ZNF597: variants seen among roughly 807,000 people sequenced by gnomAD.
ZNF597 encodes zinc finger protein 597.
A neutral mutation model predicts 7.3 loss-of-function variants in ZNF597; 5 were observed. The observed-to-expected ratio is 0.68, with a 90% confidence interval of 0.36 to 1.44. ZNF597 has a LOEUF of 1.44. Ranked by LOEUF, ZNF597 falls within the 40% of genes most tolerant of loss-of-function variation. The pLI is 0.04. For missense variants in ZNF597, 585 were observed against 517.9 expected (o/e 1.13, Z -1.26); for synonymous variants, 209 against 185.4 (o/e 1.13, Z -1.04).
Position 3,432,815 on chromosome 16 carries a change from T to G in ZNF597, c.*3609A>C, listed in dbSNP as rs1431688604. On this transcript the variant is annotated 3_prime_UTR_variant, in exon 4 of 4. Coordinates refer to ENST00000301744, the MANE Select transcript of ZNF597 (RefSeq NM_152457.3). Reference sequence around the variant, plus strand: ...ACCAGATGAATACATACACTTCTAATGTAATGAACATCATTTTGTTAAACA... The same window carrying G: ...ACCAGATGAATACATACACTTCTAAGGTAATGAACATCATTTTGTTAAACA... 6.6e-6 allele frequency: 1 copy of G among 152,246 alleles called. No individual in the cohort carries two copies. The highest frequency in any genetic ancestry group is 1.5e-5 in the Non-Finnish European group (1 of 68,044). 9.4% of individuals were successfully genotyped at this position (152,246 alleles called of 1,614,324 possible). A position where few individuals can be genotyped will look rare whatever the true frequency, so the allele number is the denominator to read the frequency against.
In ZNF597 at chr16:3,434,465, T is replaced by TAAGAGTGG. The variant is rs2150931796; in HGVS notation, c.*1951_*1958dup. ...ACCTGGAAGCTGGTGTCCTGTCTCCTAAGAGTGGAGACATCAGAAACAAAC... is the reference window on the plus strand; with the variant it reads ...ACCTGGAAGCTGGTGTCCTGTCTCCTAAGAGTGGAAGAGTGGAGACATCAGAAACAAAC... On this transcript the variant is annotated 3_prime_UTR_variant, in exon 4 of 4. Transcript: ENST00000301744. 1 of 152,354 alleles carries TAAGAGTGG rather than the reference T, an allele frequency of 6.6e-6. No homozygotes were observed. The highest frequency in any genetic ancestry group is 2.4e-5 in the African/African-American group (1 of 41,580). 9.4% of individuals were successfully genotyped at this position (152,354 alleles called of 1,614,324 possible). A position where few individuals can be genotyped will look rare whatever the true frequency, so the allele number is the denominator to read the frequency against.
intron 3 of ZNF597, among the ~76,000 whole-genome samples, chr16:3,439,553 GA>G (rs1299998606): frequency 6.6e-6 from 1 of 151,392 alleles, no homozygotes; most frequent in Non-Finnish European, 1.5e-5. Flanking sequence ...AACGTCCACA[GA>G]AAAAAACTGC....
At position 3,436,798 on chromosome 16, in the gene ZNF597, A is replaced by C; in HGVS notation, c.901T>G (p.Cys301Gly). The C allele has an allele frequency of 6.2e-7, 1 of 1,613,640 alleles. No homozygotes were observed. Among genetic ancestry groups the C allele is most frequent in the Non-Finnish European group, 8.5e-7 (1 of 1,180,030 alleles). The change falls in exon 4 of 4, where the codon TGC becomes GGC. Residue 301 changes from cysteine (C) to glycine (G), a missense_variant. Physicochemically the swap from Cys to Gly is radical, Grantham distance 159. Coordinates refer to ENST00000301744, the MANE Select transcript of ZNF597 (RefSeq NM_152457.3). The part of the protein sequence containing the change: ...VSGPQYQHTK[C>G]MKSFRQSLYP... ...AAGGACTGCCTGAAGCTCTTCATGCACTTAGTGTGCTGGTACTGGGGGCCT... is the reference window on the plus strand; with the variant it reads ...AAGGACTGCCTGAAGCTCTTCATGCCCTTAGTGTGCTGGTACTGGGGGCCT...
chr16:3,440,741 T>C, intron 3 of ZNF597, 66 bp downstream of exon 3: 2 of 1,593,426 alleles, frequency 1.3e-6, no homozygotes, highest in Non-Finnish European at 1.7e-6. Flanking sequence ...AACATCTGGA[T>C]AAAGCATGAA....
rs557483810 is a variant in ZNF597 at position 3,438,838 on chromosome 16, A to AATATC, written c.161-1301_161-1300insGATAT. On this transcript the variant is annotated intron_variant, in intron 3 of 3. Coordinates refer to ENST00000301744, the MANE Select transcript of ZNF597 (RefSeq NM_152457.3). ...TCCAAGTATTCTTCAGTTATAAAGC[A>AATATC]AATATATCAATACAAAAGGAACTTT... is the stretch of plus-strand genomic sequence containing the variant. Among the ~76,000 whole-genome samples the AATATC allele has an allele frequency of 9.8e-3, 1,494 of 152,322 alleles. 13 individuals are homozygous for AATATC. Among genetic ancestry groups the AATATC allele is most frequent in the Middle Eastern group, 0.044 (13 of 294 alleles).
rs1412815751 is a variant in ZNF597 at position 3,433,173 on chromosome 16, C to G, written c.*3251G>C. On this transcript the variant is annotated 3_prime_UTR_variant, in exon 4 of 4. Coordinates refer to ENST00000301744, the MANE Select transcript of ZNF597 (RefSeq NM_152457.3). Reference sequence around the variant, plus strand: ...TGTTAAATGAGGAGGTGTCAATAGACTACCACCTGTAGCAACAAAGCTCTA... The same window carrying G: ...TGTTAAATGAGGAGGTGTCAATAGAGTACCACCTGTAGCAACAAAGCTCTA... 1 of 152,250 alleles carries G rather than the reference C, an allele frequency of 6.6e-6. No individual in the cohort carries two copies. Among genetic ancestry groups the G allele is most frequent in the Non-Finnish European group, 1.5e-5 (1 of 68,044 alleles). The allele number at this position is 152,250 out of a possible 1,614,324, so 9.4% of individuals were successfully genotyped here. A position where few individuals can be genotyped will look rare whatever the true frequency, so the allele number is the denominator to read the frequency against.
At position 3,435,089 on chromosome 16, in the gene ZNF597, A is replaced by T. The variant is rs2034287184; in HGVS notation, c.*1335T>A. On this transcript the variant is annotated 3_prime_UTR_variant, in exon 4 of 4. Transcript: ENST00000301744. ...TTTGGTTAAAATCTAACAATTTTCT[A>T]TATGCATTTTCTTTGGAGATGGAGA... 6.6e-6 allele frequency: 1 copy of T among 152,180 alleles called. No individual in the cohort carries two copies. The highest frequency in any genetic ancestry group is 1.5e-5 in the Non-Finnish European group (1 of 68,032). The allele number at this position is 152,180 out of a possible 1,614,324, so 9.4% of individuals were successfully genotyped here. A position where few individuals can be genotyped will look rare whatever the true frequency, so the allele number is the denominator to read the frequency against.
In ZNF597 at chr16:3,436,801, T is replaced by TACTGGGGGCCTGATAC; in HGVS notation, c.897_898insGTATCAGGCCCCCAGT (p.Lys300ValfsTer6). 6.2e-7 allele frequency: 1 copy of TACTGGGGGCCTGATAC among 1,613,684 alleles called. No homozygotes were observed. Among genetic ancestry groups the TACTGGGGGCCTGATAC allele is most frequent in the Non-Finnish European group, 8.5e-7 (1 of 1,180,032 alleles). On this transcript the variant is annotated frameshift_variant, in exon 4 of 4. Transcript: ENST00000301744. LOFTEE classifies it low-confidence loss of function (END_TRUNC). ...GACTGCCTGAAGCTCTTCATGCACTTAGTGTGCTGGTACTGGGGGCCTGAT... is the reference window on the plus strand; with the variant it reads ...GACTGCCTGAAGCTCTTCATGCACTTACTGGGGGCCTGATACAGTGTGCTGGTACTGGGGGCCTGAT...
intron 3 of ZNF597, among the ~76,000 whole-genome samples, chr16:3,440,331 T>G (rs2034352282): frequency 6.6e-6 from 1 of 152,226 alleles, no homozygotes; most frequent in Admixed American, 6.5e-5. Context: ...TAGACTGAAT[T>G]TTTGTCTTTA....
At chr16:3,440,518 C>T (rs1290714125) in intron 3 of ZNF597, among the ~76,000 whole-genome samples, 1 of 152,108 alleles carries the variant, frequency 6.6e-6, no homozygotes, top group Non-Finnish European at 1.5e-5. Context: ...GCTGTAGTCC[C>T]AGCTACTCGG....
In ZNF597 at chr16:3,436,883, G is replaced by T. The variant is rs115354083; in HGVS notation, c.816C>A (p.Asn272Lys). 457 of 1,614,176 alleles carry T rather than the reference G, an allele frequency of 2.8e-4. 1 individual carries two copies. The highest frequency in any genetic ancestry group is 2.5e-3 in the African/African-American group (189 of 75,046). Residue 272 changes from asparagine to lysine, a missense_variant, in exon 4 of 4, where the codon AAC becomes AAA. Coordinates refer to ENST00000301744, the MANE Select transcript of ZNF597 (RefSeq NM_152457.3). ...HSAENTYEST[N>K]CDKHFNEKPN... ...GTTTCTCATTAAAATGTTTATCACA[G>T]TTAGTAGATTCGTAGGTGTTTTCAG...
At chr16:3,442,674 C>CA (rs60660497) in intron 2 of ZNF597, among the ~76,000 whole-genome samples, 156 of 135,340 alleles carry the variant, frequency 1.2e-3, no homozygotes, top group African/African-American at 3.1e-3. Context: ...GACTCTGTAT[C>CA]AAAAAAAAAA....
At chr16:3,441,815 TTAAAA>T (rs1343327306) in intron 2 of ZNF597, among the ~76,000 whole-genome samples, 1 of 143,966 alleles carries the variant, frequency 6.9e-6, no homozygotes, top group Non-Finnish European at 1.5e-5. Context: ...AAAAAATAAA[TTAAAA>T]TAAAATGAAA....
In ZNF597 at chr16:3,437,052, T is replaced by C; in HGVS notation, c.647A>G (p.Lys216Arg). Residue 216 changes from lysine to arginine, a missense_variant, in exon 4 of 4, where the codon AAG (lysine) becomes AGG (arginine). Lys to Arg is a conservative substitution (Grantham distance 26, BLOSUM62 2). Coordinates refer to ENST00000301744, the MANE Select transcript of ZNF597 (RefSeq NM_152457.3). ...GTGCTGGCGAAAGCTGGCACTGCAC[T>C]TGGCACACTTATAAGGTTTCTCACC... The part of the protein sequence containing the change: ...HTGEKPYKCA[K>R]CSASFRQHSH... 1.9e-6 allele frequency: 3 copies of C among 1,614,206 alleles called. No individual in the cohort carries two copies. Among genetic ancestry groups the C allele is most frequent in the African/African-American group, 1.3e-5 (1 of 75,054 alleles).
rs1356423190 is a variant in ZNF597, at chr16:3,434,442, C to G, written c.*1982G>C. On this transcript the variant is annotated 3_prime_UTR_variant, in exon 4 of 4. Transcript: ENST00000301744. ...ACATTTCAAAGCACCTCAGAGAAAC[C>G]TGGAAGCTGGTGTCCTGTCTCCTAA... 1 of 152,212 alleles carries G rather than the reference C, an allele frequency of 6.6e-6. No homozygotes were observed. Among genetic ancestry groups the G allele is most frequent in the African/African-American group, 2.4e-5 (1 of 41,452 alleles). The allele number at this position is 152,212 out of a possible 1,614,324, so 9.4% of individuals were successfully genotyped here. A position where few individuals can be genotyped will look rare whatever the true frequency, so the allele number is the denominator to read the frequency against.
chr16:3,442,465 G>C (rs1454212524), intron 2 of ZNF597, among the ~76,000 whole-genome samples: 1 of 152,112 alleles, frequency 6.6e-6, no homozygotes, highest in Admixed American at 6.6e-5. Flanking sequence ...CACAAGGTCA[G>C]GAGATTGAGA....
Position 3,434,888 on chromosome 16 carries a change from T to A in ZNF597, c.*1536A>T, listed in dbSNP as rs1046850552. On this transcript the variant is annotated 3_prime_UTR_variant, in exon 4 of 4. Coordinates refer to ENST00000301744, the MANE Select transcript of ZNF597 (RefSeq NM_152457.3). ...ATTCTTCCATCCTAATCAAAACCCA[T>A]GTAAATATTGTTTTGCTGATAGGCA... 12 of 152,230 alleles carry A rather than the reference T, an allele frequency of 7.9e-5. No homozygotes were observed. The highest frequency in any genetic ancestry group is 2.9e-4 in the African/African-American group (12 of 41,458). 9.4% of individuals were successfully genotyped at this position (152,230 alleles called of 1,614,324 possible).
chr16:3,439,215 C>CA (rs142079985), intron 3 of ZNF597, among the ~76,000 whole-genome samples: 130 of 143,786 alleles, frequency 9.0e-4, no homozygotes, highest in Non-Finnish European at 1.3e-3. Flanking sequence ...CCCATCCCTA[C>CA]AAAAAAAAAA....
Position 3,436,735 on chromosome 16 carries a change from A to G in ZNF597, c.964T>C (p.Ser322Pro). ...ALSEKSHDEDSERCSDDGDNF... is the reference protein window; with the variant it reads ...ALSEKSHDEDPERCSDDGDNF... The stretch of plus-strand genomic sequence containing the variant: ...TCCCCATCATCGCTGCAGCGTTCAG[A>G]GTCCTCGTCGTGGCTCTTCTCGGAA... Residue 322 changes from serine to proline, a missense_variant, in exon 4 of 4, where the codon TCT becomes CCT. Physicochemically the swap from Ser to Pro is moderately conservative, Grantham distance 74 (BLOSUM62 -1). Coordinates refer to ENST00000301744, the MANE Select transcript of ZNF597 (RefSeq NM_152457.3). The G allele has an allele frequency of 1.2e-6, 2 of 1,614,090 alleles. No homozygotes were observed. Among genetic ancestry groups the G allele is most frequent in the Non-Finnish European group, 1.7e-6 (2 of 1,180,032 alleles).
Sources: gnomAD v4.1 joint callset for allele counts (sites outside exome capture counted in the v4.1 genomes callset) on GRCh38, gnomAD v4.1.1 for gene constraint, MANE v1.5 for transcripts, NCBI Gene and HGNC (gene_info 2026-07-23, HGNC 2026-07-21) for gene names.